XKR6: variants seen among roughly 807,000 people sequenced by gnomAD.
XKR6 encodes the protein XK-related protein 6.
Under a neutral mutation model 56.7 loss-of-function variants are expected in XKR6, and 22 were observed. The ratio of observed to expected loss-of-function variants is 0.39; its 90% CI spans 0.28 to 0.55. XKR6 has a LOEUF of 0.55. Among genes scored for constraint, XKR6 ranks in the 20% least tolerant of loss-of-function variants. XKR6 has a pLI of 0.66. For synonymous variants in XKR6, 524 were observed against 387.8 expected (o/e 1.35, Z -4.13); for missense variants, 852 against 889.0 (o/e 0.96, Z 0.53).
Position 10,897,871 on chromosome 8 carries a change from A to G in XKR6, c.*81T>C. On this transcript the variant is annotated 3_prime_UTR_variant, in exon 3 of 3. Coordinates refer to ENST00000416569, the MANE Select transcript of XKR6 (RefSeq NM_173683.4). Reference sequence around the variant, plus strand: ...TGGCGGTGGTTCTGTGTATTGGGGGAAGGGAGGGTTATATTTCTTGCAAGT... The same window carrying G: ...TGGCGGTGGTTCTGTGTATTGGGGGGAGGGAGGGTTATATTTCTTGCAAGT... 4 of 1,480,224 alleles carry G rather than the reference A, an allele frequency of 2.7e-6. No individual in the cohort carries two copies. Among genetic ancestry groups the G allele is most frequent in the Non-Finnish European group, 2.7e-6 (3 of 1,119,200 alleles). 91.7% of individuals were successfully genotyped at this position (1,480,224 alleles called of 1,614,324 possible).
intron 1 of XKR6, among the ~76,000 whole-genome samples, chr8:10,937,362 C>G (rs1021100545): frequency 1.3e-5 from 2 of 149,570 alleles, no homozygotes; most frequent in African/African-American, 2.4e-5. Context: ...TCCCGTAGCT[C>G]AGAGTAATTT....
At chr8:11,107,952 T>C in intron 1 of XKR6, 1 of 292,686 alleles carries the variant, frequency 3.4e-6, no homozygotes, top group Admixed American at 5.2e-5. Context: ...ACCACTCTGA[T>C]GATGCTCTTC....
chr8:10,922,203 G>C (rs1486112266), intron 2 of XKR6, among the ~76,000 whole-genome samples: 1 of 152,214 alleles, frequency 6.6e-6, no homozygotes, highest in Non-Finnish European at 1.5e-5. Context: ...AGCACAAATG[G>C]GCTAAGCTGA....
chr8:10,908,493 C>G (rs926042382), intron 2 of XKR6, among the ~76,000 whole-genome samples: 1 of 152,118 alleles, frequency 6.6e-6, no homozygotes, highest in African/African-American at 2.4e-5. Context: ...CCCCTTTGCC[C>G]TCCCTGGGGT....
intron 1 of XKR6, among the ~76,000 whole-genome samples, chr8:10,973,535 G>A (rs1034812971): frequency 1.3e-5 from 2 of 152,134 alleles, no homozygotes; most frequent in African/African-American, 2.4e-5. Context: ...GATGCTCAGG[G>A]AAAGCGTAAG....
chr8:11,116,069 T>G (rs1343380008), intron 1 of XKR6, among the ~76,000 whole-genome samples: 1 of 152,230 alleles, frequency 6.6e-6, no homozygotes. Context: ...GCTTTGAAAG[T>G]ACATTTCCCA....
At chr8:11,005,136 A>G (rs1248741747) in intron 1 of XKR6, among the ~76,000 whole-genome samples, 2 of 151,060 alleles carry the variant, frequency 1.3e-5, no homozygotes, top group Admixed American at 6.6e-5. Flanking sequence ...GTCACATTGT[A>G]TAGGGCAGGT....
intron 1 of XKR6, among the ~76,000 whole-genome samples, chr8:11,015,087 G>A (rs756125761): frequency 3.3e-5 from 5 of 152,192 alleles, no homozygotes; most frequent in Non-Finnish European, 7.3e-5. Context: ...TCTACGATCA[G>A]GGAAGCCGGG....
At chr8:10,918,545 A>G (rs555741527) in intron 2 of XKR6, among the ~76,000 whole-genome samples, 1 of 152,192 alleles carries the variant, frequency 6.6e-6, no homozygotes, top group Non-Finnish European at 1.5e-5. Context: ...GCACAGATTT[A>G]TCTGTCTCCT....
At chr8:11,176,232 A>G (rs1802646642) in intron 1 of XKR6, among the ~76,000 whole-genome samples, 1 of 152,214 alleles carries the variant, frequency 6.6e-6, no homozygotes, top group Non-Finnish European at 1.5e-5. Flanking sequence ...CGAATTGGCC[A>G]ACATATGCAT....
chr8:10,961,686 A>G (rs893034538), intron 1 of XKR6, among the ~76,000 whole-genome samples: 47 of 152,246 alleles, frequency 3.1e-4, no homozygotes, highest in African/African-American at 1.0e-3. Flanking sequence ...GAGGCAGGCA[A>G]CTGCAGCCCA....
chr8:11,026,241 T>C (rs1012214045), intron 1 of XKR6, among the ~76,000 whole-genome samples: 1 of 151,618 alleles, frequency 6.6e-6, no homozygotes, highest in African/African-American at 2.4e-5. Flanking sequence ...ACTACACACC[T>C]AGATAGTCTA....
chr8:10,898,064 C>T lies in XKR6; in HGVS notation c.1814G>A (p.Arg605Lys). 6.2e-7 allele frequency: 1 copy of T among 1,614,006 alleles called. No individual in the cohort carries two copies. Among genetic ancestry groups the T allele is most frequent in the Non-Finnish European group, 8.5e-7 (1 of 1,179,986 alleles). ...PAWDAHFVDR[R>K]LRRTINILQY... ...TAGAATGTTAATAGTCCTTCTCAGC[C>T]TCCTGTCTACAAAATGAGCATCCCA... The change falls in exon 3 of 3, where the codon AGG (arginine) becomes AAG (lysine). Residue 605 changes from arginine to lysine, a missense_variant. By Grantham distance (26) the Arg-to-Lys change is conservative (BLOSUM62 2). Around this residue, in one of 4 missense-constraint regions of XKR6, gnomAD observed 39 missense variants for 62.5 expected, o/e 0.62. Transcript: ENST00000416569. The surrounding 1 kb of genome is among the most constrained non-coding windows in gnomAD (Gnocchi z 6.6).
At chr8:10,981,839 G>A (rs1331139184) in intron 1 of XKR6, among the ~76,000 whole-genome samples, 1 of 152,206 alleles carries the variant, frequency 6.6e-6, no homozygotes, top group African/African-American at 2.4e-5. Context: ...GTTAAGTAGA[G>A]ATGTCAAAGT....
At chr8:11,092,240 G>C (rs1798096434) in intron 1 of XKR6, among the ~76,000 whole-genome samples, 1 of 152,206 alleles carries the variant, frequency 6.6e-6, no homozygotes, top group Non-Finnish European at 1.5e-5. Flanking sequence ...TCAAGAGTAA[G>C]AAATGTATTT....
chr8:10,924,142 A>G (rs886998861), intron 2 of XKR6, among the ~76,000 whole-genome samples: 5 of 152,200 alleles, frequency 3.3e-5, no homozygotes. Context: ...GAACAGAGCT[A>G]CTTAAGCTGC....
chr8:10,902,194 G>A (rs1243157216), intron 2 of XKR6, among the ~76,000 whole-genome samples: 2 of 152,218 alleles, frequency 1.3e-5, no homozygotes, highest in Non-Finnish European at 2.9e-5. Context: ...CTTACAAGGA[G>A]GGCTTGGGAA....
intron 1 of XKR6, among the ~76,000 whole-genome samples, chr8:10,941,811 C>A (rs921283547): frequency 6.6e-6 from 1 of 152,180 alleles, no homozygotes; most frequent in Non-Finnish European, 1.5e-5. Flanking sequence ...CAAATGCAAC[C>A]CTTGGGCTCA....
At chr8:11,106,968 G>A (rs1218855628) in intron 1 of XKR6, among the ~76,000 whole-genome samples, 1 of 151,996 alleles carries the variant, frequency 6.6e-6, no homozygotes, top group African/African-American at 2.4e-5. Flanking sequence ...CTACAGGAAG[G>A]GAGACAGAAA....
Sources: allele counts gnomAD v4.1 joint callset (sites outside exome capture counted in the v4.1 genomes callset), GRCh38; gene constraint gnomAD v4.1.1; regional missense constraint gnomAD v4.1.1; non-coding constraint Gnocchi (gnomAD v3.1); transcripts MANE v1.5; gene names NCBI Gene and HGNC (gene_info 2026-07-23, HGNC 2026-07-21).